The following DHX35 variants were observed in gnomAD, a reference collection of about 807,000 sequenced individuals.
DHX35 encodes DEAH-box helicase 35.
A neutral mutation model predicts 99.6 loss-of-function variants in DHX35; 84 were observed. The observed-to-expected ratio is 0.84, with a 90% CI of 0.71 to 1.01. The LOEUF (loss-of-function observed/expected upper bound fraction) is 1.01, where lower values mean the gene tolerates loss of function less well. Among genes scored for constraint, DHX35 ranks in the 50% least tolerant of loss-of-function variants. DHX35 has a pLI of 0.00. For synonymous variants in DHX35, 331 were observed against 316.2 expected (o/e 1.05, Z -0.50); for missense variants, 852 against 888.5 (o/e 0.96, Z 0.52).
chr20:39,017,495 T>C (rs1218147129), intron 14 of DHX35, among the ~76,000 whole-genome samples: 1 of 152,182 alleles, frequency 6.6e-6, no homozygotes, highest in Non-Finnish European at 1.5e-5. Context: ...CAGAATGAAA[T>C]TTAAGATATT....
chr20:38,964,269 A>T (rs2085877793), intron 1 of DHX35, among the ~76,000 whole-genome samples: 1 of 152,178 alleles, frequency 6.6e-6, no homozygotes, highest in Non-Finnish European at 1.5e-5. Context: ...GTGCCTTTAG[A>T]ATGTCCAGAA....
At chr20:38,987,213 T>C (rs1206297400) in intron 4 of DHX35, among the ~76,000 whole-genome samples, 1 of 152,144 alleles carries the variant, frequency 6.6e-6, no homozygotes, top group East Asian at 1.9e-4. Flanking sequence ...TTAGGTAGTT[T>C]ATGTGGTGGT....
intron 5 of DHX35, 91 bp from the exon 6 acceptor site, chr20:38,991,363 C>A: frequency 9.1e-7 from 1 of 1,099,128 alleles, no homozygotes; most frequent in Admixed American, 2.5e-5. Flanking sequence ...TGTACACATG[C>A]TGGCAAAGAG....
At chr20:38,978,559 T>C in intron 3 of DHX35, 1 of 308,390 alleles carries the variant, frequency 3.2e-6, no homozygotes. Flanking sequence ...TGCTATTGAA[T>C]TGTTTGAGCA....
At chr20:39,002,255 G>A (rs1018509745) in intron 9 of DHX35, among the ~76,000 whole-genome samples, 1 of 152,220 alleles carries the variant, frequency 6.6e-6, no homozygotes, top group African/African-American at 2.4e-5. Flanking sequence ...ACTTGGACAA[G>A]GAAGGGGCCA....
At chr20:39,018,771 G>A (rs1393099816) in intron 14 of DHX35, 33 bp from the exon 15 acceptor site, 3 of 1,600,546 alleles carry the variant, frequency 1.9e-6, no homozygotes, top group East Asian at 4.5e-5. Flanking sequence ...AATGGTACCT[G>A]CCTTCTGATT....
chr20:39,014,908 C>A lies in DHX35; in HGVS notation c.1376C>A (p.Ala459Asp). The A allele has an allele frequency of 6.2e-7, 1 of 1,614,114 alleles. No individual in the cohort carries two copies. The highest frequency in any genetic ancestry group is 8.5e-7 in the Non-Finnish European group (1 of 1,180,018). ...CCTCCAGCACAGTCGATGGTTCAAG[C>A]CTTGGAGTTACTGTATGCTCTGGGA... ...SPPPAQSMVQ[A>D]LELLYALGGL... The change falls in exon 14 of 22, where the codon GCC becomes GAC. Residue 459 changes from alanine to aspartate, a missense_variant. By Grantham distance (126) the Ala-to-Asp change is moderately radical (BLOSUM62 -2). Transcript: ENST00000252011.
intron 16 of DHX35, 56 bp from the exon 17 acceptor site, chr20:39,023,634 T>C: frequency 6.5e-7 from 1 of 1,533,188 alleles, no homozygotes; most frequent in African/African-American, 1.4e-5. Context: ...ATTATAGGTG[T>C]GAGCCACCAC....
chr20:39,019,342 A>C (rs1293333573), intron 15 of DHX35, among the ~76,000 whole-genome samples: 2 of 152,134 alleles, frequency 1.3e-5, no homozygotes, highest in Non-Finnish European at 2.9e-5. Context: ...TATGTGTTAA[A>C]ATTTTCTTCA....
intron 14 of DHX35, among the ~76,000 whole-genome samples, chr20:39,015,976 T>C (rs1488149035): frequency 6.6e-6 from 1 of 152,192 alleles, no homozygotes; most frequent in Non-Finnish European, 1.5e-5. Flanking sequence ...ATGTGGTCTT[T>C]TGTGATTGGC....
intron 4 of DHX35, among the ~76,000 whole-genome samples, chr20:38,988,530 T>C (rs1236315087): frequency 6.6e-6 from 1 of 152,098 alleles, no homozygotes; most frequent in African/African-American, 2.4e-5. Flanking sequence ...CTTAGGAGGT[T>C]GAGGCAGGAG....
intron 12 of DHX35, 120 bp from the exon 13 acceptor site, chr20:39,010,160 T>C: frequency 7.4e-7 from 1 of 1,359,218 alleles, no homozygotes; most frequent in Non-Finnish European, 1.0e-6. Context: ...ATCATGTGCA[T>C]CTGCTTCTAG....
intron 20 of DHX35, among the ~76,000 whole-genome samples, chr20:39,032,033 G>A (rs1406135283): frequency 2.0e-5 from 3 of 152,108 alleles, no homozygotes; most frequent in African/African-American, 7.2e-5. Flanking sequence ...GTTTATGTTT[G>A]TCCAATTTAA....
chr20:38,993,246 C>T lies in DHX35; in HGVS notation c.582+821C>T, dbSNP rs527341351. Among the ~76,000 whole-genome samples the T allele has an allele frequency of 6.3e-4, 96 of 152,312 alleles. 2 individuals are homozygous for T. The highest frequency in any genetic ancestry group is 2.2e-3 in the African/African-American group (93 of 41,574). ...CTCTATATCTGTGCTGGTATACTTT[C>T]CTTTATGGTAGCCACTAGCCACCTG... On this transcript the variant is annotated intron_variant, in intron 7 of 21. Transcript: ENST00000252011.
At chr20:38,978,916 C>G (rs145743632) in intron 3 of DHX35, among the ~76,000 whole-genome samples, 466 of 152,226 alleles carry the variant, frequency 3.1e-3, no homozygotes, top group African/African-American at 0.011. Context: ...GTGTGATTAT[C>G]TAGTTTTCCC....
At chr20:38,981,043 A>G (rs2086163956) in intron 3 of DHX35, among the ~76,000 whole-genome samples, 1 of 152,244 alleles carries the variant, frequency 6.6e-6, no homozygotes, top group African/African-American at 2.4e-5. Flanking sequence ...AGAATACTAC[A>G]GAAATGATAT....
At chr20:39,029,031 A>G (rs1269439876) in intron 19 of DHX35, 1 of 155,210 alleles carries the variant, frequency 6.4e-6, no homozygotes, top group Non-Finnish European at 1.4e-5. Flanking sequence ...TGCCTTCCTA[A>G]TGGTCTTTAC....
intron 12 of DHX35, among the ~76,000 whole-genome samples, chr20:39,008,523 C>T (rs1262902121): frequency 2.6e-5 from 4 of 152,168 alleles, no homozygotes; most frequent in African/African-American, 9.7e-5. Flanking sequence ...GTCACTGAAT[C>T]CCTTTGCATG....
chr20:39,010,331 G>A lies in DHX35; in HGVS notation c.1274G>A (p.Ser425Asn). The A allele has an allele frequency of 6.2e-7, 1 of 1,614,146 alleles. No homozygotes were observed. The highest frequency in any genetic ancestry group is 8.5e-7 in the Non-Finnish European group (1 of 1,180,030). ...PQSTVPEMQR[S>N]NLAPVILQLK... ...TCTACGGTTCCTGAGATGCAGCGTA[G>A]TAATTTGGCACCTGTCATCCTGCAG... The change falls in exon 13 of 22, where the codon AGT (serine) becomes AAT (asparagine). Residue 425 changes from serine (S) to asparagine (N), a missense_variant. Coordinates refer to ENST00000252011, the MANE Select transcript of DHX35 (RefSeq NM_021931.4).
Sources: allele counts gnomAD v4.1 joint callset (sites outside exome capture counted in the v4.1 genomes callset), GRCh38; gene constraint gnomAD v4.1.1; transcripts MANE v1.5; gene names NCBI Gene and HGNC (gene_info 2026-07-23, HGNC 2026-07-21).